The following SLCO1B1 variants were observed in gnomAD, a reference collection of about 807,000 sequenced individuals.
The protein encoded by SLCO1B1 is solute carrier organic anion transporter family member 1B1.
A neutral mutation model predicts 70.1 loss-of-function variants in SLCO1B1; 81 were observed. The ratio of observed to expected loss-of-function variants is 1.16; its 90% CI spans 0.97 to 1.39. The LOEUF (loss-of-function observed/expected upper bound fraction) is 1.39, where lower values mean the gene tolerates loss of function less well. Ranked by LOEUF, SLCO1B1 falls within the 40% of genes most tolerant of loss-of-function variation. SLCO1B1 has a pLI of 0.00. For synonymous variants in SLCO1B1, 283 were observed against 271.5 expected, an observed-to-expected ratio of 1.04 and a Z score of -0.42; for missense variants, 895 against 799.6, an observed-to-expected ratio of 1.12 and a Z score of -1.44.
At chr12:21,204,555 T>C (rs955689191) in intron 10 of SLCO1B1, among the ~76,000 whole-genome samples, 1 of 151,552 alleles carries the variant, frequency 6.6e-6, no homozygotes, top group Admixed American at 6.6e-5. Flanking sequence ...GGCATTATTA[T>C]CTATGACTTA....
intron 11 of SLCO1B1, among the ~76,000 whole-genome samples, chr12:21,208,738 T>C (rs1051372611): frequency 3.9e-5 from 6 of 152,110 alleles, no homozygotes; most frequent in East Asian, 3.8e-4. Context: ...TTAATGATAA[T>C]TTTTCTACCA....
intron 12 of SLCO1B1, among the ~76,000 whole-genome samples, chr12:21,218,718 G>A (rs1305924519): frequency 6.6e-6 from 1 of 151,990 alleles, no homozygotes; most frequent in Non-Finnish European, 1.5e-5. Context: ...ACAGGTTTTA[G>A]CTTTTTATTT....
intron 12 of SLCO1B1, 29 bp from the exon 13 acceptor site, chr12:21,222,271 A>C: frequency 8.5e-7 from 1 of 1,173,020 alleles, no homozygotes; most frequent in Non-Finnish European, 1.2e-6. Flanking sequence ...AATGATATTT[A>C]ATGTTTCTTT....
chr12:21,206,756 C>T (rs764905150), intron 11 of SLCO1B1, among the ~76,000 whole-genome samples: 23 of 152,032 alleles, frequency 1.5e-4, no homozygotes, highest in Admixed American at 7.9e-4. Flanking sequence ...TATGGTGTTT[C>T]CCATACCTAC....
intron 3 of SLCO1B1, among the ~76,000 whole-genome samples, chr12:21,173,768 T>C (rs1168962753): frequency 2.1e-5 from 3 of 144,426 alleles, no homozygotes; most frequent in Non-Finnish European, 4.5e-5. Context: ...GAAGTGGTCA[T>C]GACTTTTTTT....
At chr12:21,177,676 A>T (rs2121106346) in intron 5 of SLCO1B1, among the ~76,000 whole-genome samples, 1 of 152,260 alleles carries the variant, frequency 6.6e-6, no homozygotes, top group East Asian at 1.9e-4. Context: ...TTCTGCTATT[A>T]TTGATTAATC....
intron 11 of SLCO1B1, 93 bp from the exon 12 acceptor site, chr12:21,217,026 C>A: frequency 1.1e-6 from 1 of 921,760 alleles, no homozygotes; most frequent in Non-Finnish European, 1.8e-6. Context: ...TTAGTTTGAA[C>A]AAGTGAGACT....
chr12:21,165,840 C>T (rs1940677713), intron 2 of SLCO1B1, among the ~76,000 whole-genome samples: 1 of 152,050 alleles, frequency 6.6e-6, no homozygotes, highest in South Asian at 2.1e-4. Context: ...CCCTTCAGAA[C>T]TGTGAGAAAT....
chr12:21,170,234 T>C (rs79546646), intron 2 of SLCO1B1, among the ~76,000 whole-genome samples: 6,061 of 152,274 alleles, frequency 0.04, 389 homozygotes, highest in African/African-American at 0.14. Flanking sequence ...AAATGTTTCC[T>C]TCCAATTGCA....
intron 1 of SLCO1B1, among the ~76,000 whole-genome samples, chr12:21,138,570 A>G (rs1402633270): frequency 6.6e-6 from 1 of 152,154 alleles, no homozygotes; most frequent in Non-Finnish European, 1.5e-5. Context: ...CAAAGTGTCC[A>G]CCTTTTTTTC....
chr12:21,178,542 A>G (rs745674032), intron 5 of SLCO1B1, 34 bp from the exon 6 acceptor site: 4 of 1,477,452 alleles, frequency 2.7e-6, no homozygotes, highest in East Asian at 2.3e-5. Context: ...GCTAAAATTA[A>G]TGTTTAAAAT....
At chr12:21,192,709 A>G (rs571676976) in intron 7 of SLCO1B1, among the ~76,000 whole-genome samples, 24 of 152,080 alleles carry the variant, frequency 1.6e-4, no homozygotes, top group African/African-American at 5.1e-4. Context: ...ACTTTTTACT[A>G]GCATAATTAT....
intron 7 of SLCO1B1, among the ~76,000 whole-genome samples, chr12:21,191,486 T>C (rs1185664971): frequency 6.6e-6 from 1 of 152,116 alleles, no homozygotes; most frequent in Non-Finnish European, 1.5e-5. Flanking sequence ...CCTGCAACTT[T>C]ACAGAATGTG....
intron 4 of SLCO1B1, among the ~76,000 whole-genome samples, chr12:21,176,395 T>G (rs1940821672): frequency 6.6e-6 from 1 of 152,114 alleles, no homozygotes. Context: ...TATGTGTCCA[T>G]GAAAGAAAAT....
At chr12:21,205,722 G>A in intron 10 of SLCO1B1, 146 bp from the exon 11 acceptor site, 2 of 611,710 alleles carry the variant, frequency 3.3e-6, no homozygotes, top group Non-Finnish European at 5.4e-6. Flanking sequence ...CATCATCAAA[G>A]CAAATTTCTT....
chr12:21,227,712 C>T (rs1407439731), intron 14 of SLCO1B1, among the ~76,000 whole-genome samples: 2 of 151,898 alleles, frequency 1.3e-5, no homozygotes, highest in Non-Finnish European at 2.9e-5. Context: ...CAAGATGCTC[C>T]TCAGAATTTC....
intron 10 of SLCO1B1, among the ~76,000 whole-genome samples, chr12:21,204,398 G>A (rs1941190351): frequency 1.3e-5 from 2 of 151,248 alleles, no homozygotes; most frequent in African/African-American, 4.8e-5. Flanking sequence ...AATTTTCTTA[G>A]TATTACTTTC....
chr12:21,161,219 C>A (rs910332470), intron 2 of SLCO1B1, among the ~76,000 whole-genome samples: 1 of 152,094 alleles, frequency 6.6e-6, no homozygotes, highest in Non-Finnish European at 1.5e-5. Context: ...TGTGAATGTT[C>A]ATTGCAACAT....
chr12:21,234,328 G>A (rs1037293703), intron 14 of SLCO1B1, among the ~76,000 whole-genome samples: 53 of 152,110 alleles, frequency 3.5e-4, no homozygotes, highest in African/African-American at 1.3e-3. Context: ...ATTGATCTTA[G>A]GTTTTACAAT....
Sources: gnomAD v4.1 joint callset for allele counts (sites outside exome capture counted in the v4.1 genomes callset) on GRCh38, gnomAD v4.1.1 for gene constraint, MANE v1.5 for transcripts, NCBI Gene and HGNC (gene_info 2026-07-23, HGNC 2026-07-21) for gene names.